Variants in SHQ1 observed in about 807,000 individuals in gnomAD.
The protein encoded by SHQ1 is SHQ1, H/ACA ribonucleoprotein assembly factor, also known as protein SHQ1 homolog.
SHQ1 carries 49 observed loss-of-function variants against 53.8 expected under a neutral mutation model. That is an observed-to-expected ratio of 0.91 (90% CI 0.72 to 1.16). The LOEUF is 1.16. Ranked by LOEUF, SHQ1 falls within the 50% of genes most tolerant of loss-of-function variation. The pLI, the probability that SHQ1 is intolerant of heterozygous loss-of-function variation, is 0.00. For missense variants in SHQ1, 738 were observed against 683.1 expected (o/e 1.08, Z -0.90); for synonymous variants, 243 against 251.0 (o/e 0.97, Z 0.30).
In SHQ1 at chr3:72,749,986, A is replaced by T; in HGVS notation, c.*298T>A. 1 of 357,826 alleles carries T rather than the reference A, an allele frequency of 2.8e-6. No homozygotes were observed. Among genetic ancestry groups the T allele is most frequent in the East Asian group, 4.8e-5 (1 of 20,710 alleles). The allele number at this position is 357,826 out of a possible 1,614,324, so 22.2% of individuals were successfully genotyped here. The stretch of plus-strand genomic sequence containing the variant: ...ACCCACATCCTCCTGCACAGTTTAA[A>T]TCATCACTAGATTACTTATATTACC... On this transcript the variant is annotated 3_prime_UTR_variant, in exon 11 of 11. Coordinates refer to ENST00000325599, the MANE Select transcript of SHQ1 (RefSeq NM_018130.3).
chr3:72,761,113 A>T (rs1264461270), intron 10 of SHQ1, among the ~76,000 whole-genome samples: 1 of 152,220 alleles, frequency 6.6e-6, no homozygotes, highest in Non-Finnish European at 1.5e-5. Flanking sequence ...TATCTGACAC[A>T]GACTACAGAT....
the SHQ1 span, among the ~76,000 whole-genome samples, chr3:72,742,935 C>T: frequency 2.0e-5 from 3 of 152,138 alleles, no homozygotes; most frequent in Non-Finnish European, 4.4e-5. Context: ...TGCACCCAGC[C>T]GAGAGTTTTT....
At chr3:72,762,113 A>T (rs547953600) in intron 10 of SHQ1, among the ~76,000 whole-genome samples, 52 of 152,302 alleles carry the variant, frequency 3.4e-4, no homozygotes, top group African/African-American at 1.2e-3. Context: ...ACACATGCCT[A>T]TACATACATC....
intron 10 of SHQ1, among the ~76,000 whole-genome samples, chr3:72,768,622 A>T (rs1363997958): frequency 6.6e-6 from 1 of 152,222 alleles, no homozygotes; most frequent in East Asian, 1.9e-4. Context: ...ATTGTTTAGT[A>T]CGTGTCCAAA....
intron 4 of SHQ1, among the ~76,000 whole-genome samples, chr3:72,833,946 T>TA (rs990062302): frequency 2.6e-5 from 4 of 152,264 alleles, no homozygotes; most frequent in South Asian, 2.1e-4. Context: ...GGAAATAACT[T>TA]AGAGAGTTGA....
At chr3:72,725,663 G>A in the SHQ1 span, among the ~76,000 whole-genome samples, 88 of 152,320 alleles carry the variant, frequency 5.8e-4, no homozygotes, top group African/African-American at 1.7e-3. Flanking sequence ...AGTCACAGCT[G>A]TAAGCCCAGC....
At chr3:72,769,433 T>C (rs1426878627) in intron 10 of SHQ1, among the ~76,000 whole-genome samples, 2 of 152,202 alleles carry the variant, frequency 1.3e-5, no homozygotes, top group African/African-American at 2.4e-5. Flanking sequence ...TTCCCTAACA[T>C]AGTCTGTATA....
chr3:72,788,153 G>A (rs1333377497), intron 10 of SHQ1, among the ~76,000 whole-genome samples: 1 of 151,944 alleles, frequency 6.6e-6, no homozygotes, highest in Non-Finnish European at 1.5e-5. Context: ...AGTAAGTGAG[G>A]AGCGTCTCTG....
Position 72,815,369 on chromosome 3 carries a change from G to A in SHQ1, c.917C>T (p.Pro306Leu). The A allele has an allele frequency of 2.5e-6, 4 of 1,613,274 alleles. No homozygotes were observed. The highest frequency in any genetic ancestry group is 3.4e-6 in the Non-Finnish European group (4 of 1,179,634). Residue 306 changes from proline (P) to leucine (L), a missense_variant, in exon 8 of 11, where the codon CCA becomes CTA. Physicochemically the swap from Pro to Leu is moderately conservative, Grantham distance 98 (BLOSUM62 -3). Coordinates refer to ENST00000325599, the MANE Select transcript of SHQ1 (RefSeq NM_018130.3). Reference protein sequence around the residue: ...ESAWNIRKLSPTLCWFETWTN... With the variant: ...ESAWNIRKLSLTLCWFETWTN... ...TCATACCTCAAACCAGCATAGTGTT[G>A]GACTCAGTTTCCTGATATTCCATGC...
At position 72,766,905 on chromosome 3, in the gene SHQ1, TGGCTGTCG is replaced by T. The variant is rs555134577; in HGVS notation, c.1182-16077_1182-16070del. Among the ~76,000 whole-genome samples the T allele has an allele frequency of 1.4e-4, 22 of 152,360 alleles. 1 individual carries two copies. The highest frequency in any genetic ancestry group is 1.4e-3 in the Admixed American group (22 of 15,312). ...TCCAATATGGGCCACTAACCCCATG[TGGCTGTCG>T]GGCATTCAGAATGTCAGCTTGACTG... On this transcript the variant is annotated intron_variant, in intron 10 of 10. Transcript: ENST00000325599.
In SHQ1 at chr3:72,799,878, A is replaced by G. The variant is rs17010147; in HGVS notation, c.1061-6842T>C. On this transcript the variant is annotated intron_variant, in intron 9 of 10. Transcript: ENST00000325599. ...CAATTCAACTCATAATTTACCATCT[A>G]TCCAAGTCTCAAATCAGGCATTACT... Among the ~76,000 whole-genome samples the G allele has an allele frequency of 8.9e-4, 135 of 152,226 alleles. 1 individual carries two copies. The East Asian group carries it at 0.022, about 25-fold the overall frequency.
chr3:72,804,223 C>T (rs1182749661), intron 9 of SHQ1, among the ~76,000 whole-genome samples: 5 of 152,166 alleles, frequency 3.3e-5, no homozygotes, highest in Non-Finnish European at 7.4e-5. Flanking sequence ...CATACCTGTC[C>T]ATTAAGGTAT....
At chr3:72,766,103 C>T (rs540588119) in intron 10 of SHQ1, among the ~76,000 whole-genome samples, 4 of 152,148 alleles carry the variant, frequency 2.6e-5, no homozygotes, top group Non-Finnish European at 4.4e-5. Context: ...TTAGGGAAGG[C>T]CTCACTGAAA....
intron 4 of SHQ1, among the ~76,000 whole-genome samples, chr3:72,836,228 G>A (rs957112634): frequency 6.6e-6 from 1 of 152,188 alleles, no homozygotes; most frequent in Admixed American, 6.5e-5. Flanking sequence ...TGTGGCTCAC[G>A]CCTGTAATCC....
intron 6 of SHQ1, among the ~76,000 whole-genome samples, chr3:72,819,719 G>T (rs1291343783): frequency 2.6e-5 from 4 of 152,036 alleles, no homozygotes; most frequent in Non-Finnish European, 5.9e-5. Flanking sequence ...TTGTTCAAGG[G>T]TCAACTGTAT....
chr3:72,811,580 G>A (rs941306171), intron 9 of SHQ1, among the ~76,000 whole-genome samples: 1 of 152,138 alleles, frequency 6.6e-6, no homozygotes, highest in Non-Finnish European at 1.5e-5. Context: ...CCAACTGGAT[G>A]AATAAAAAGG....
At chr3:72,807,661 C>T (rs1387891655) in intron 9 of SHQ1, among the ~76,000 whole-genome samples, 1 of 152,190 alleles carries the variant, frequency 6.6e-6, no homozygotes, top group Non-Finnish European at 1.5e-5. Flanking sequence ...CCTTTAAAGT[C>T]TCCTCCAAAC....
intron 10 of SHQ1, among the ~76,000 whole-genome samples, chr3:72,766,590 G>C (rs1362838705): frequency 6.6e-6 from 1 of 152,162 alleles, no homozygotes. Context: ...GAGGGCTCAG[G>C]AATGTGTCAT....
At chr3:72,812,636 TCCCTCCCAAA>T in intron 9 of SHQ1, 25 bp downstream of exon 9, 1 of 1,608,036 alleles carries the variant, frequency 6.2e-7, no homozygotes, top group South Asian at 1.1e-5. Context: ...TACAACTTTT[TCCCTCCCAAA>T]TTTGCAAGTA....
Sources: allele counts gnomAD v4.1 joint callset (sites outside exome capture counted in the v4.1 genomes callset), GRCh38; gene constraint gnomAD v4.1.1; transcripts MANE v1.5; gene names NCBI Gene and HGNC (gene_info 2026-07-23, HGNC 2026-07-21).